SUGCT: variants seen among roughly 807,000 people sequenced by gnomAD.
The protein encoded by SUGCT is succinyl-CoA:glutarate CoA-transferase.
Under a neutral mutation model 55.0 loss-of-function variants are expected in SUGCT, and 41 were observed. The ratio of observed to expected loss-of-function variants is 0.74; its 90% CI spans 0.58 to 0.97. SUGCT has a LOEUF of 0.97. SUGCT is among the 50% of genes least tolerant of loss of function. SUGCT has a pLI of 0.00. For missense variants in SUGCT, 568 were observed against 547.8 expected (o/e 1.04, Z -0.37); for synonymous variants, 187 against 200.4 (o/e 0.93, Z 0.56).
chr7:41,035,316 C>T, the SUGCT span, among the ~76,000 whole-genome samples: 1 of 152,240 alleles, frequency 6.6e-6, no homozygotes, highest in Non-Finnish European at 1.5e-5. Context: ...CAACCACTTA[C>T]AATAGGGCCC....
chr7:40,539,391 A>G (rs184162773), intron 12 of SUGCT: 91 of 152,340 alleles, frequency 6.0e-4, no homozygotes, highest in African/African-American at 2.0e-3. Context: ...GTAGGAATAA[A>G]AAAATGTATC....
chr7:40,954,322 G>A, the SUGCT span, among the ~76,000 whole-genome samples: 1 of 152,226 alleles, frequency 6.6e-6, no homozygotes, highest in Non-Finnish European at 1.5e-5. Flanking sequence ...TAGGGTGGGA[G>A]TGACCCAATT....
rs562095224 is a variant in SUGCT at position 40,563,716 on chromosome 7, G to GATA, written c.1089+67349_1089+67351dup. ...GCAACAGAGCAATACTGTCTCTAAT[G>GATA]ATAATAATAATAATAATAATAGTAT... On this transcript the variant is annotated intron_variant, in intron 12 of 13. Transcript: ENST00000335693. 6.7e-3 allele frequency among the ~76,000 whole-genome samples: 1,008 copies of GATA among 150,026 alleles called. 6 individuals carry two copies. Among genetic ancestry groups the GATA allele is most frequent in the African/African-American group, 0.021 (861 of 40,958 alleles).
Position 40,189,713 on chromosome 7 carries a change from A to G in SUGCT, c.363+119A>G, listed in dbSNP as rs539509845. 8 of 361,364 alleles carry G rather than the reference A, an allele frequency of 2.2e-5. No homozygotes were observed. In the South Asian group the frequency reaches 5.5e-4, roughly 25 times the overall value. 22.4% of individuals were successfully genotyped at this position (361,364 alleles called of 1,614,324 possible). On this transcript the variant is annotated intron_variant, in intron 5 of 13. Transcript: ENST00000335693. Reference sequence around the variant, plus strand: ...GGTGATCTGTACGTTTGCAACAAATACCTTTTAAGTATTTACTTTGATTTG... The same window carrying G: ...GGTGATCTGTACGTTTGCAACAAATGCCTTTTAAGTATTTACTTTGATTTG...
At chr7:40,291,417 A>T (rs1190476678) in intron 8 of SUGCT, among the ~76,000 whole-genome samples, 1 of 147,666 alleles carries the variant, frequency 6.8e-6, no homozygotes, top group Non-Finnish European at 1.5e-5. Context: ...AAAAAACCAG[A>T]CACCACATGT....
chr7:40,316,197 CTTGATCTT>C (rs1272075863), intron 8 of SUGCT, among the ~76,000 whole-genome samples: 2 of 152,178 alleles, frequency 1.3e-5, no homozygotes, highest in African/African-American at 2.4e-5. Flanking sequence ...CTCAAATAAT[CTTGATCTT>C]TTCTGTCAGA....
chr7:40,836,167 G>C (rs759388542), intron 13 of SUGCT, among the ~76,000 whole-genome samples: 3 of 151,686 alleles, frequency 2.0e-5, no homozygotes, highest in Non-Finnish European at 4.4e-5. Context: ...CTAAAACTCT[G>C]GTATTACAGA....
chr7:40,981,302 A>G, the SUGCT span, among the ~76,000 whole-genome samples: 1 of 152,102 alleles, frequency 6.6e-6, no homozygotes, highest in Non-Finnish European at 1.5e-5. Context: ...TCATGATTCC[A>G]TCAGGTAAAA....
chr7:40,392,517 A>T (rs1480446246), intron 9 of SUGCT, among the ~76,000 whole-genome samples: 3 of 152,074 alleles, frequency 2.0e-5, no homozygotes, highest in Non-Finnish European at 4.4e-5. Context: ...TATTATTGTT[A>T]CTTGTTACTA....
intron 13 of SUGCT, among the ~76,000 whole-genome samples, chr7:40,811,581 G>T (rs915970336): frequency 6.6e-6 from 1 of 151,984 alleles, no homozygotes; most frequent in Non-Finnish European, 1.5e-5. Context: ...AACATTATTG[G>T]TGTATAGAAA....
chr7:40,365,911 T>C (rs1212605338), intron 9 of SUGCT, among the ~76,000 whole-genome samples: 1 of 152,194 alleles, frequency 6.6e-6, no homozygotes, highest in African/African-American at 2.4e-5. Context: ...TGGAAAAAAC[T>C]ACTTTAAAAT....
intron 1 of SUGCT, among the ~76,000 whole-genome samples, chr7:40,161,668 T>C (rs368428282): frequency 2.0e-5 from 3 of 152,174 alleles, no homozygotes; most frequent in East Asian, 1.9e-4. Flanking sequence ...TGAGCATTCT[T>C]ATATTGAATA....
chr7:40,202,346 AC>A (rs1467230679), intron 6 of SUGCT, among the ~76,000 whole-genome samples: 1 of 152,094 alleles, frequency 6.6e-6, no homozygotes, highest in Non-Finnish European at 1.5e-5. Flanking sequence ...CCAGTTTATG[AC>A]GTCTCCTTTT....
chr7:40,688,895 T>A (rs1227987864), intron 12 of SUGCT, among the ~76,000 whole-genome samples: 1 of 152,044 alleles, frequency 6.6e-6, no homozygotes, highest in Admixed American at 6.6e-5. Flanking sequence ...TAAAAAAAAA[T>A]TTTGGAGAGA....
At chr7:40,490,768 C>T (rs751074087) in intron 11 of SUGCT, among the ~76,000 whole-genome samples, 2 of 152,060 alleles carry the variant, frequency 1.3e-5, no homozygotes, top group Non-Finnish European at 2.9e-5. Context: ...TAGGAAGTCC[C>T]TAAATTGAAA....
chr7:40,211,443 G>A lies in SUGCT; in HGVS notation c.484+16383G>A, dbSNP rs529530045. Among the ~76,000 whole-genome samples the A allele has an allele frequency of 2.0e-5, 3 of 152,164 alleles. No individual in the cohort carries two copies. The South Asian group carries it at 6.2e-4, about 31-fold the overall frequency. On this transcript the variant is annotated intron_variant, in intron 6 of 13. Transcript: ENST00000335693. ...TTGGCCAGGCTGATCTTGAACTCCT[G>A]GCCTCAAGTGATCTCCCTGCCTTGG...
At chr7:40,855,654 T>G (rs1215619092) in intron 13 of SUGCT, among the ~76,000 whole-genome samples, 2 of 152,190 alleles carry the variant, frequency 1.3e-5, no homozygotes, top group African/African-American at 4.8e-5. Flanking sequence ...TGCCTGGCAT[T>G]GATTTTTCTT....
chr7:40,359,965 C>T (rs754355629), intron 9 of SUGCT, among the ~76,000 whole-genome samples: 16 of 152,156 alleles, frequency 1.1e-4, no homozygotes, highest in Non-Finnish European at 1.6e-4. Context: ...AAATGACCTG[C>T]AGCCTTTTAT....
chr7:41,012,386 C>A, the SUGCT span, among the ~76,000 whole-genome samples: 1 of 152,190 alleles, frequency 6.6e-6, no homozygotes, highest in African/African-American at 2.4e-5. Flanking sequence ...TGAGTTTCAA[C>A]CCAGCCTGCT....
Sources: gnomAD v4.1 joint callset for allele counts (sites outside exome capture counted in the v4.1 genomes callset) on GRCh38, gnomAD v4.1.1 for gene constraint, MANE v1.5 for transcripts, NCBI Gene and HGNC (gene_info 2026-07-23, HGNC 2026-07-21) for gene names.